The following ITFG1 variants were observed in gnomAD, a reference collection of about 807,000 sequenced individuals.
The protein encoded by ITFG1 is integrin alpha FG-GAP repeat containing 1, also known as T-cell immunomodulatory protein.
In ITFG1, 34 loss-of-function variants were observed where a neutral mutation model predicts 81.8. The observed-to-expected ratio is 0.42, with a 90% CI of 0.32 to 0.55. The LOEUF is 0.55. Among genes scored for constraint, ITFG1 ranks in the 20% least tolerant of loss-of-function variants. The pLI is 0.17. For synonymous variants in ITFG1, 285 were observed against 270.6 expected, an observed-to-expected ratio of 1.05 and a Z score of -0.52; for missense variants, 672 against 755.4, an observed-to-expected ratio of 0.89 and a Z score of 1.29.
intron 14 of ITFG1, among the ~76,000 whole-genome samples, chr16:47,189,140 C>G (rs1965262185): frequency 6.6e-6 from 1 of 152,212 alleles, no homozygotes; most frequent in African/African-American, 2.4e-5. Context: ...CTGGTTCAAG[C>G]TCTTGTCAGC....
chr16:47,166,146 T>C (rs1555501679), intron 14 of ITFG1, among the ~76,000 whole-genome samples: 1 of 152,208 alleles, frequency 6.6e-6, no homozygotes, highest in Non-Finnish European at 1.5e-5. Context: ...GAAGCATTTA[T>C]AATCTACTGT....
rs186490852 is a variant in ITFG1 at position 47,333,624 on chromosome 16, A to G, written c.803-19801T>C. 3.7e-4 allele frequency among the ~76,000 whole-genome samples: 57 copies of G among 152,366 alleles called. No individual in the cohort carries two copies. In the East Asian group the frequency reaches 8.1e-3, roughly 22 times the overall value. ...AATATAAAATGGCCACATAACTTTT[A>G]TAAGTTCATGAAGTTGGTAAGCAGT... On this transcript the variant is annotated intron_variant, in intron 8 of 17. Coordinates refer to ENST00000320640, the MANE Select transcript of ITFG1 (RefSeq NM_030790.5).
At chr16:47,234,744 C>G (rs947858748) in intron 13 of ITFG1, among the ~76,000 whole-genome samples, 10 of 152,124 alleles carry the variant, frequency 6.6e-5, no homozygotes, top group Admixed American at 6.6e-4. Context: ...AGGTTGAAGA[C>G]CATGAATTAG....
chr16:47,175,066 C>G (rs1002124088), intron 14 of ITFG1, among the ~76,000 whole-genome samples: 1 of 152,052 alleles, frequency 6.6e-6, no homozygotes, highest in African/African-American at 2.4e-5. Flanking sequence ...ATCATGGTAT[C>G]TGAAGCAATA....
chr16:47,358,575 A>T (rs1968070225), intron 8 of ITFG1, among the ~76,000 whole-genome samples: 1 of 152,194 alleles, frequency 6.6e-6, no homozygotes, highest in Non-Finnish European at 1.5e-5. Context: ...ACTTTAATCA[A>T]AATAAGCAAA....
chr16:47,336,053 C>T (rs1304755444), intron 8 of ITFG1, among the ~76,000 whole-genome samples: 1 of 152,180 alleles, frequency 6.6e-6, no homozygotes, highest in African/African-American at 2.4e-5. Context: ...ATTACGAATA[C>T]ATATTACAAT....
At chr16:47,352,547 G>T (rs1311743245) in intron 8 of ITFG1, among the ~76,000 whole-genome samples, 1 of 152,114 alleles carries the variant, frequency 6.6e-6, no homozygotes, top group African/African-American at 2.4e-5. Context: ...TCATTAAAAA[G>T]TCAGGAAACA....
At chr16:47,225,762 A>G (rs1028588656) in intron 13 of ITFG1, among the ~76,000 whole-genome samples, 2 of 152,232 alleles carry the variant, frequency 1.3e-5, no homozygotes, top group Non-Finnish European at 2.9e-5. Context: ...AGAACTTGTT[A>G]TTAGCACACC....
intron 5 of ITFG1, among the ~76,000 whole-genome samples, chr16:47,443,770 G>A (rs545901538): frequency 9.0e-4 from 137 of 152,224 alleles, no homozygotes; most frequent in East Asian, 2.9e-3. Context: ...ATGGGGGAGC[G>A]ATAGCATTAG....
intron 6 of ITFG1, among the ~76,000 whole-genome samples, chr16:47,420,234 T>C (rs1018485097): frequency 1.3e-5 from 2 of 152,114 alleles, no homozygotes; most frequent in Non-Finnish European, 2.9e-5. Flanking sequence ...TAAAAATTAG[T>C]TGATTTTTTT....
At chr16:47,270,398 A>G (rs1647168070) in intron 10 of ITFG1, among the ~76,000 whole-genome samples, 1 of 152,236 alleles carries the variant, frequency 6.6e-6, no homozygotes, top group Admixed American at 6.5e-5. Context: ...TAAATAAACT[A>G]AAATTAAAAC....
At chr16:47,231,191 T>C (rs748945553) in intron 13 of ITFG1, among the ~76,000 whole-genome samples, 11 of 152,232 alleles carry the variant, frequency 7.2e-5, no homozygotes, top group Non-Finnish European at 1.6e-4. Context: ...AGTCAAAGAC[T>C]ACTTTTAAAC....
At chr16:47,157,689 AT>A (rs1195517540) in intron 17 of ITFG1, 1 of 152,210 alleles carries the variant, frequency 6.6e-6, no homozygotes, top group Non-Finnish European at 1.5e-5. Flanking sequence ...TGTTTTTGAT[AT>A]GTAAAGGAGT....
chr16:47,166,590 TA>T (rs1964892277), intron 14 of ITFG1, among the ~76,000 whole-genome samples: 1 of 152,140 alleles, frequency 6.6e-6, no homozygotes, highest in African/African-American at 2.4e-5. Flanking sequence ...GGAAACAGCG[TA>T]AAAGACATGT....
chr16:47,342,325 CATA>C (rs768900136), intron 8 of ITFG1, among the ~76,000 whole-genome samples: 2 of 152,106 alleles, frequency 1.3e-5, no homozygotes, highest in Non-Finnish European at 2.9e-5. Flanking sequence ...AACACACTTT[CATA>C]ATATCTCTCA....
chr16:47,297,337 T>C (rs937436441), intron 10 of ITFG1, among the ~76,000 whole-genome samples: 2 of 152,202 alleles, frequency 1.3e-5, no homozygotes, highest in Admixed American at 6.5e-5. Flanking sequence ...GGATTTCTTA[T>C]AAGCAGCATG....
At chr16:47,416,231 T>A (rs1391765602) in intron 6 of ITFG1, among the ~76,000 whole-genome samples, 1 of 151,706 alleles carries the variant, frequency 6.6e-6, no homozygotes, top group Non-Finnish European at 1.5e-5. Flanking sequence ...AATAAAAATT[T>A]AAAAAACCAG....
intron 6 of ITFG1, among the ~76,000 whole-genome samples, chr16:47,390,041 A>C (rs1360701037): frequency 1.3e-5 from 2 of 152,244 alleles, no homozygotes; most frequent in Non-Finnish European, 2.9e-5. Context: ...TTTGGGTACA[A>C]AGCTTAAAAT....
chr16:47,288,363 A>G (rs1461526236), intron 10 of ITFG1, among the ~76,000 whole-genome samples: 1 of 152,210 alleles, frequency 6.6e-6, no homozygotes, highest in Non-Finnish European at 1.5e-5. Flanking sequence ...AGTTAGGTTC[A>G]TTTAATATCT....
Sources: allele counts gnomAD v4.1 joint callset (sites outside exome capture counted in the v4.1 genomes callset), GRCh38; gene constraint gnomAD v4.1.1; transcripts MANE v1.5; gene names NCBI Gene and HGNC (gene_info 2026-07-23, HGNC 2026-07-21).